Variants in AATK observed in about 807,000 individuals in gnomAD.
AATK encodes serine/threonine-protein kinase LMTK1.
In AATK, 91 loss-of-function variants were observed where a neutral mutation model predicts 114.3. The observed-to-expected ratio is 0.80, with a 90% CI of 0.67 to 0.95. The LOEUF is 0.95. Among genes scored for constraint, AATK ranks in the 40% least tolerant of loss-of-function variants. The pLI, the probability that AATK is intolerant of heterozygous loss-of-function variation, is 0.00. For synonymous variants in AATK, 1,075 were observed against 916.5 expected (o/e 1.17, Z -3.12); for missense variants, 2,176 against 1,965.2 (o/e 1.11, Z -2.03).
At chr17:81,157,290 G>A (rs1344001204) in intron 1 of AATK, among the ~76,000 whole-genome samples, 2 of 152,218 alleles carry the variant, frequency 1.3e-5, no homozygotes, top group Non-Finnish European at 2.9e-5. Context: ...CCACGGGCCC[G>A]GGCCGGGTCC....
rs1449620835 is a variant in AATK at position 81,117,610 on chromosome 17, G to A, written c.*792C>T. ...GCCCCCACTCTCCTTTGGCAGCTGGGGCACAGGACCAGATACTGCCCCACA... is the reference window on the plus strand; with the variant it reads ...GCCCCCACTCTCCTTTGGCAGCTGGAGCACAGGACCAGATACTGCCCCACA... On this transcript the variant is annotated 3_prime_UTR_variant, in exon 14 of 14. Coordinates refer to ENST00000326724, the MANE Select transcript of AATK (RefSeq NM_001080395.3). 3 of 152,284 alleles carry A rather than the reference G, an allele frequency of 2.0e-5. No individual in the cohort carries two copies. The highest frequency in any genetic ancestry group is 2.0e-4 in the Admixed American group (3 of 15,290). The allele number at this position is 152,284 out of a possible 1,614,324, so 9.4% of individuals were successfully genotyped here. A position where few individuals can be genotyped will look rare whatever the true frequency, so the allele number is the denominator to read the frequency against.
At position 81,126,832 on chromosome 17, in the gene AATK, G is replaced by GAA. The variant is rs1021278769; in HGVS notation, c.622-274_622-273dup. 44 of 1,295,572 alleles carry GAA rather than the reference G, an allele frequency of 3.4e-5. No homozygotes were observed. The highest frequency in any genetic ancestry group is 4.0e-5 in the Non-Finnish European group (41 of 1,019,436). 80.3% of individuals were successfully genotyped at this position (1,295,572 alleles called of 1,614,324 possible). A position where few individuals can be genotyped will look rare whatever the true frequency, so the allele number is the denominator to read the frequency against. On this transcript the variant is annotated intron_variant, in intron 6 of 13. Coordinates refer to ENST00000326724, the MANE Select transcript of AATK (RefSeq NM_001080395.3). This position sits in a 1 kb window ranked among gnomAD's most constrained non-coding sequence, Gnocchi z 5.1. Reference sequence around the variant, plus strand: ...AGTCCCTTGGCCTGTGGTAGAGAGAGAAACACAGGGCCCAAGTGGATCTGC... The same window carrying GAA: ...AGTCCCTTGGCCTGTGGTAGAGAGAGAAAAACACAGGGCCCAAGTGGATCTGC...
At position 81,122,636 on chromosome 17, in the gene AATK, TGGGCCCCGCCGCACCGGGCCC is replaced by T. The variant is rs777877832; in HGVS notation, c.1279_1299del (p.Gly427_Pro433del). The T allele has an allele frequency of 3.5e-6, 5 of 1,426,560 alleles. No homozygotes were observed. Among genetic ancestry groups the T allele is most frequent in the Non-Finnish European group, 4.6e-6 (5 of 1,084,256 alleles). The allele number at this position is 1,426,560 out of a possible 1,614,324, so 88.4% of individuals were successfully genotyped here. A position where few individuals can be genotyped will look rare whatever the true frequency, so the allele number is the denominator to read the frequency against. The stretch of plus-strand genomic sequence containing the variant: ...GCGAGCTCCACCACGCCGCCCAGCA[TGGGCCCCGCCGCACCGGGCCC>T]GGGCCCCACGCCGCCCCCGCCGGGC... On this transcript the variant is annotated inframe_deletion, in exon 11 of 14. Coordinates refer to ENST00000326724, the MANE Select transcript of AATK (RefSeq NM_001080395.3).
intron 1 of AATK, among the ~76,000 whole-genome samples, chr17:81,164,669 C>T (rs774653999): frequency 1.3e-5 from 2 of 152,180 alleles, no homozygotes; most frequent in Admixed American, 6.5e-5. Context: ...GACCAAGCAC[C>T]GTGGGCCACG....
intron 1 of AATK, among the ~76,000 whole-genome samples, chr17:81,163,628 C>T (rs2061450591): frequency 6.6e-6 from 1 of 152,240 alleles, no homozygotes. Context: ...GGCGGCTCTT[C>T]CTGGCACTCA....
intron 3 of AATK, among the ~76,000 whole-genome samples, chr17:81,129,794 A>T (rs1314237744): frequency 6.6e-6 from 1 of 152,156 alleles, no homozygotes; most frequent in African/African-American, 2.4e-5. Flanking sequence ...CACAGGGCTC[A>T]GGGACCCCCA....
chr17:81,157,337 C>T (rs548608326), intron 1 of AATK, among the ~76,000 whole-genome samples: 3 of 152,358 alleles, frequency 2.0e-5, no homozygotes, highest in South Asian at 2.1e-4. Context: ...CCCATGCACA[C>T]GCTCGCCTCC....
rs984814728 is a variant in AATK, at chr17:81,121,892, C to G, written c.2044G>C (p.Val682Leu). The G allele has an allele frequency of 3.1e-5, 50 of 1,600,336 alleles. No homozygotes were observed. The highest frequency in any genetic ancestry group is 4.0e-5 in the African/African-American group (3 of 74,908). The change falls in exon 11 of 14, where the codon GTG (valine) becomes CTG (leucine). Residue 682 changes from valine (V) to leucine (L), a missense_variant. Physicochemically the swap from Val to Leu is conservative, Grantham distance 32. Coordinates refer to ENST00000326724, the MANE Select transcript of AATK (RefSeq NM_001080395.3). ...AAQRGHWRSN[V>L]SANNNSGSRC... ...CTGCCGCTGTTGTTGTTGGCTGACA[C>G]GTTGGAGCGCCAGTGCCCGCGCTGG...
intron 1 of AATK, among the ~76,000 whole-genome samples, chr17:81,158,574 T>G (rs994487541): frequency 2.6e-5 from 4 of 152,166 alleles, no homozygotes; most frequent in Non-Finnish European, 5.9e-5. Flanking sequence ...AGGCCTTGTG[T>G]CCAGGACCTG....
chr17:81,122,925 G>C, intron 10 of AATK, 102 bp from the exon 11 acceptor site: 1 of 1,124,210 alleles, frequency 8.9e-7, no homozygotes, highest in South Asian at 1.8e-5. Context: ...TGTCTTGGGG[G>C]CATTAAGGGT....
At chr17:81,134,279 C>A in intron 2 of AATK, 89 bp downstream of exon 2, 1 of 1,537,048 alleles carries the variant, frequency 6.5e-7, no homozygotes, top group East Asian at 2.4e-5. Context: ...CTTGATGGCC[C>A]CAGGAAGGAG....
At chr17:81,160,077 G>A (rs1204350360) in intron 1 of AATK, among the ~76,000 whole-genome samples, 2 of 152,104 alleles carry the variant, frequency 1.3e-5, no homozygotes, top group East Asian at 1.9e-4. Context: ...AGGTGGCCCC[G>A]GCTGCCCAGA....
In AATK at chr17:81,120,513, G is replaced by A. The variant is rs1383363655; in HGVS notation, c.3423C>T (p.Ala1141=). Residue 1141 remains alanine (A), a synonymous_variant, in exon 11 of 14, where the codon GCC becomes GCT. Transcript: ENST00000326724. ...GGCCGGGCAGAGCCAGGCGGAGTGG[G>A]GCTCTGGGGGTGCCTGGGCCCCCCA... ...KRMGGPGTPR[A]PLRLALPGLP... The A allele has an allele frequency of 1.7e-5, 25 of 1,484,482 alleles. No individual in the cohort carries two copies. Among genetic ancestry groups the A allele is most frequent in the Non-Finnish European group, 2.2e-5 (24 of 1,115,482 alleles). 92.0% of individuals were successfully genotyped at this position (1,484,482 alleles called of 1,614,324 possible). A position where few individuals can be genotyped will look rare whatever the true frequency, so the allele number is the denominator to read the frequency against.
At position 81,122,572 on chromosome 17, in the gene AATK, C is replaced by T; in HGVS notation, c.1364G>A (p.Gly455Asp). The change falls in exon 11 of 14, where the codon GGC becomes GAC. Residue 455 changes from glycine to aspartate, a missense_variant. Physicochemically the swap from Gly to Asp is moderately conservative, Grantham distance 94. Transcript: ENST00000326724. ...SSFPLLEQFA[G>D]DGFHADGDDV... ...GTCGCCGTCCGCGTGGAAGCCGTCG[C>T]CCGCGAACTGCTCCAGCAGCGGGAA... is the stretch of plus-strand genomic sequence containing the variant. 6.8e-7 allele frequency: 1 copy of T among 1,461,064 alleles called. No homozygotes were observed. Among genetic ancestry groups the T allele is most frequent in the Non-Finnish European group, 9.1e-7 (1 of 1,099,922 alleles). The allele number at this position is 1,461,064 out of a possible 1,614,324, so 90.5% of individuals were successfully genotyped here.
Position 81,121,584 on chromosome 17 carries a change from C to A in AATK, c.2352G>T (p.Thr784=). 1 of 1,507,428 alleles carries A rather than the reference C, an allele frequency of 6.6e-7. No individual in the cohort carries two copies. Among genetic ancestry groups the A allele is most frequent in the East Asian group, 2.3e-5 (1 of 43,196 alleles). The allele number at this position is 1,507,428 out of a possible 1,614,324, so 93.4% of individuals were successfully genotyped here. The change falls in exon 11 of 14, where the codon ACG becomes ACT. Residue 784 remains threonine, a synonymous_variant. Coordinates refer to ENST00000326724, the MANE Select transcript of AATK (RefSeq NM_001080395.3). ...DHPQAEPKLA[T]EAEGTTGPRL... is the part of the protein sequence containing the mutation. ...GGGGTCCGGTAGTGCCCTCAGCCTCCGTGGCAAGCTTGGGCTCTGCCTGCG... is the reference window on the plus strand; with the variant it reads ...GGGGTCCGGTAGTGCCCTCAGCCTCAGTGGCAAGCTTGGGCTCTGCCTGCG...
chr17:81,166,195 C>A lies in AATK; in HGVS notation c.-203G>T, dbSNP rs1478206802. ...GACGAGGCGCTCCGCCCGGCCCTGG[C>A]GCCGCGGGGCTCCGCTGGTGCAGTC... On this transcript the variant is annotated 5_prime_UTR_variant, in exon 1 of 14. Coordinates refer to ENST00000326724, the MANE Select transcript of AATK (RefSeq NM_001080395.3). 1.3e-5 allele frequency: 2 copies of A among 155,816 alleles called. No homozygotes were observed. The highest frequency in any genetic ancestry group is 2.6e-5 in the Non-Finnish European group (2 of 78,322). The allele number at this position is 155,816 out of a possible 1,614,324, so 9.7% of individuals were successfully genotyped here. A position where few individuals can be genotyped will look rare whatever the true frequency, so the allele number is the denominator to read the frequency against.
At chr17:81,151,050 G>A (rs1277485414) in intron 1 of AATK, among the ~76,000 whole-genome samples, 4 of 152,196 alleles carry the variant, frequency 2.6e-5, no homozygotes, top group Non-Finnish European at 4.4e-5. Context: ...TCCTGGGACA[G>A]GAGAAGGGAG....
intron 1 of AATK, among the ~76,000 whole-genome samples, chr17:81,153,579 A>G (rs1358748152): frequency 6.6e-6 from 1 of 151,968 alleles, no homozygotes; most frequent in Non-Finnish European, 1.5e-5. Flanking sequence ...GCTCGAAAAT[A>G]CTCGTGCGTA....
Position 81,127,999 on chromosome 17 carries a change from G to A in AATK, c.415-89C>T, listed in dbSNP as rs918510904. Reference sequence around the variant, plus strand: ...ACTCTTCTCCCACCCGCCCCACGCCGGCCCCCAGGACAGGACACTTCTCCT... The same window carrying A: ...ACTCTTCTCCCACCCGCCCCACGCCAGCCCCCAGGACAGGACACTTCTCCT... On this transcript the variant is annotated intron_variant, in intron 4 of 13. Transcript: ENST00000326724. 15 of 1,488,736 alleles carry A rather than the reference G, an allele frequency of 1.0e-5. No homozygotes were observed. In the Admixed American group the frequency reaches 1.4e-4, roughly 14 times the overall value. 92.2% of individuals were successfully genotyped at this position (1,488,736 alleles called of 1,614,324 possible).
Sources: allele counts gnomAD v4.1 joint callset (sites outside exome capture counted in the v4.1 genomes callset), GRCh38; gene constraint gnomAD v4.1.1; non-coding constraint Gnocchi (gnomAD v3.1); transcripts MANE v1.5; gene names NCBI Gene and HGNC (gene_info 2026-07-23, HGNC 2026-07-21).